Variants in TTF2 observed in about 807,000 individuals in gnomAD.
The protein encoded by TTF2 is transcription termination factor 2.
In TTF2, 108 loss-of-function variants were observed where a neutral mutation model predicts 142.4. The ratio of observed to expected loss-of-function variants is 0.76; its 90% confidence interval spans 0.65 to 0.89. TTF2 has a LOEUF of 0.89. TTF2 is among the 40% of genes least tolerant of loss of function. TTF2 has a pLI of 0.00. For synonymous variants in TTF2, 483 were observed against 506.2 expected, an observed-to-expected ratio of 0.95 and a Z score of 0.61; for missense variants, 1,327 against 1,379.8, an observed-to-expected ratio of 0.96 and a Z score of 0.61.
Position 117,068,001 on chromosome 1 carries a change from C to G in TTF2, c.218+5528C>G, listed in dbSNP as rs547982953. Among the ~76,000 whole-genome samples the G allele has an allele frequency of 6.6e-5, 10 of 152,336 alleles. No individual in the cohort carries two copies. In the South Asian group the frequency reaches 2.1e-3, roughly 32 times the overall value. The stretch of plus-strand genomic sequence containing the variant: ...GACCAGCATTTGACTAGCCATTCGG[C>G]CATGGCCCTCTGTGTACAGGCAGTA... On this transcript the variant is annotated intron_variant, in intron 3 of 22. Transcript: ENST00000369466.
rs1394486936 is a variant in TTF2, at chr1:117,062,375, T to A, written c.132-12T>A. The A allele has an allele frequency of 1.2e-6, 2 of 1,610,142 alleles. No homozygotes were observed. Among genetic ancestry groups the A allele is most frequent in the South Asian group, 1.1e-5 (1 of 89,802 alleles). ...GACCTAAAAATGTTTTCAACTTTTT[T>A]CTTTTCTCTAGCATTCCTGTTTCCC... On this transcript the variant is annotated splice_polypyrimidine_tract_variant and intron_variant, in intron 2 of 22. Coordinates refer to ENST00000369466, the MANE Select transcript of TTF2 (RefSeq NM_003594.4).
In TTF2 at chr1:117,092,898, C is replaced by G; in HGVS notation, c.2973C>G (p.Thr991=). 6.2e-7 allele frequency: 1 copy of G among 1,614,116 alleles called. No homozygotes were observed. The highest frequency in any genetic ancestry group is 1.3e-5 in the African/African-American group (1 of 75,026). The change falls in exon 18 of 23, where the codon ACC becomes ACG. Residue 991 remains threonine (T), a synonymous_variant. Transcript: ENST00000369466. This position sits in a 1 kb window ranked among gnomAD's most constrained non-coding sequence, Gnocchi z 4.4. ...TTTTTGAAGGCATGCGAGAGAGCACCAAGGTACTTTTTGTCTCCTCTGTAG... is the reference window on the plus strand; with the variant it reads ...TTTTTGAAGGCATGCGAGAGAGCACGAAGGTACTTTTTGTCTCCTCTGTAG... ...MELFEGMRES[T]KISSLLAELE...
Position 117,093,557 on chromosome 1 carries a change from G to A in TTF2, c.2976+656G>A, listed in dbSNP as rs925133587. Among the ~76,000 whole-genome samples, 6 of 152,058 alleles carry A rather than the reference G, an allele frequency of 3.9e-5. No individual in the cohort carries two copies. The highest frequency in any genetic ancestry group is 8.8e-5 in the Non-Finnish European group (6 of 68,006). On this transcript the variant is annotated intron_variant, in intron 18 of 22. Coordinates refer to ENST00000369466, the MANE Select transcript of TTF2 (RefSeq NM_003594.4). This position sits in a 1 kb window ranked among gnomAD's most constrained non-coding sequence, Gnocchi z 4.5. ...TCTTGGGCTCAACCTCTCTTCAAAG[G>A]CTTTTTTTGAAAAAGTGTATTAATA...
chr1:117,061,128 G>A (rs773209948), intron 2 of TTF2, among the ~76,000 whole-genome samples: 1 of 152,192 alleles, frequency 6.6e-6, no homozygotes, highest in Non-Finnish European at 1.5e-5. Context: ...GGTGTGTGAC[G>A]CCTGTAATCC....
At position 117,098,715 on chromosome 1, in the gene TTF2, G is replaced by A. The variant is rs1284731382; in HGVS notation, c.3270-118G>A. 3.4e-5 allele frequency: 28 copies of A among 829,964 alleles called. 1 individual carries two copies. The Admixed American group carries it at 5.0e-4, about 15-fold the overall frequency. The allele number at this position is 829,964 out of a possible 1,614,324, so 51.4% of individuals were successfully genotyped here. A position where few individuals can be genotyped will look rare whatever the true frequency, so the allele number is the denominator to read the frequency against. On this transcript the variant is annotated intron_variant, in intron 21 of 22. Transcript: ENST00000369466. The stretch of plus-strand genomic sequence containing the variant: ...TCTTTTCTTAAATCCCTTTAAAACT[G>A]TAACAATAATTTTTAGCTACAAAAA...
At chr1:117,082,499 C>T (rs913413787) in intron 10 of TTF2, among the ~76,000 whole-genome samples, 13 of 152,148 alleles carry the variant, frequency 8.5e-5, no homozygotes, top group Non-Finnish European at 2.9e-5. Flanking sequence ...AGGTGTGACC[C>T]ACCATGCCTG....
At chr1:117,064,461 A>G (rs1230469714) in intron 3 of TTF2, among the ~76,000 whole-genome samples, 14 of 152,152 alleles carry the variant, frequency 9.2e-5, no homozygotes, top group African/African-American at 1.7e-4. Flanking sequence ...GCCTACCCCA[A>G]TATCACAAAT....
chr1:117,090,844 A>G lies in TTF2; in HGVS notation c.2588+221A>G, dbSNP rs1196807110. ...AGGCAAAATTTTGAACCTACTCTTC[A>G]TTGGCTTCCTTGCATAGAAGTCATA... On this transcript the variant is annotated intron_variant, in intron 15 of 22. Transcript: ENST00000369466. This position sits in a 1 kb window ranked among gnomAD's most constrained non-coding sequence, Gnocchi z 4.8. 6.6e-6 allele frequency among the ~76,000 whole-genome samples: 1 copy of G among 151,716 alleles called. No homozygotes were observed. The highest frequency in any genetic ancestry group is 2.4e-5 in the African/African-American group (1 of 41,242).
Position 117,060,373 on chromosome 1 carries a change from C to G in TTF2, c.27C>G (p.His9Gln). 8 of 1,606,328 alleles carry G rather than the reference C, an allele frequency of 5.0e-6. No homozygotes were observed. The highest frequency in any genetic ancestry group is 6.8e-6 in the Non-Finnish European group (8 of 1,175,792). The change falls in exon 1 of 23, where the codon CAC (histidine) becomes CAG (glutamine). Residue 9 changes from histidine to glutamine, a missense_variant and splice_region_variant. Coordinates refer to ENST00000369466, the MANE Select transcript of TTF2 (RefSeq NM_003594.4). Reference protein sequence around the residue: MEEVRCPEHGTFCFLKTGV... With the variant: MEEVRCPEQGTFCFLKTGV... ...TGGAAGAAGTTAGGTGTCCAGAGCA[C>G]GGTAAGGGGCTAGGGTCTCAGCGTC... is the stretch of plus-strand genomic sequence containing the variant.
Position 117,106,825 on chromosome 1 carries a change from C to CCTA in TTF2, c.*5303_*5305dup, listed in dbSNP as rs1419110559. On this transcript the variant is annotated 3_prime_UTR_variant, in exon 23 of 23. Coordinates refer to ENST00000369466, the MANE Select transcript of TTF2 (RefSeq NM_003594.4). Reference sequence around the variant, plus strand: ...TGAACCACCTCTTCATTGAGCCAAACCTACCATACAGGGATACATTCTCTG... The same window carrying CCTA: ...TGAACCACCTCTTCATTGAGCCAAACCTACTACCATACAGGGATACATTCTCTG... 1 of 152,242 alleles carries CCTA rather than the reference C, an allele frequency of 6.6e-6. No individual in the cohort carries two copies. Among genetic ancestry groups the CCTA allele is most frequent in the East Asian group, 1.9e-4 (1 of 5,202 alleles). 9.4% of individuals were successfully genotyped at this position (152,242 alleles called of 1,614,324 possible).
At chr1:117,068,681 A>G (rs1656351110) in intron 3 of TTF2, among the ~76,000 whole-genome samples, 1 of 152,192 alleles carries the variant, frequency 6.6e-6, no homozygotes, top group Non-Finnish European at 1.5e-5. Flanking sequence ...CTATTGGGTG[A>G]AATTGACCTG....
rs1295900492 is a variant in TTF2 at position 117,091,868 on chromosome 1, C to T, written c.2723C>T (p.Ser908Leu). 1.2e-6 allele frequency: 2 copies of T among 1,613,716 alleles called. No homozygotes were observed. Among genetic ancestry groups the T allele is most frequent in the Non-Finnish European group, 8.5e-7 (1 of 1,179,956 alleles). ...EEPRHSEAAD[S>L]PRSSTVHILS... ...CCTAGACACTCGGAGGCAGCAGACT[C>T]ACCGAGATCCAGCACCGTCCACATA... Residue 908 changes from serine (S) to leucine (L), a missense_variant, in exon 17 of 23, where the codon TCA (serine) becomes TTA (leucine). Physicochemically the swap from Ser to Leu is moderately radical, Grantham distance 145 (BLOSUM62 -2). Coordinates refer to ENST00000369466, the MANE Select transcript of TTF2 (RefSeq NM_003594.4).
At position 117,081,846 on chromosome 1, in the gene TTF2, GA is replaced by G; in HGVS notation, c.1807del (p.Thr603ProfsTer2). 1.9e-6 allele frequency: 3 copies of G among 1,613,936 alleles called. No individual in the cohort carries two copies. Among genetic ancestry groups the G allele is most frequent in the Non-Finnish European group, 2.5e-6 (3 of 1,179,972 alleles). ...TTTCTAGCAGATGATATGGGCTTAG[GA>G]AAAACCCTGACAATGATTGCGCTCA... ...GGILADDMGL[G>X]KTLTMIALIL... On this transcript the variant is annotated frameshift_variant, in exon 10 of 23. Coordinates refer to ENST00000369466, the MANE Select transcript of TTF2 (RefSeq NM_003594.4). LOFTEE classifies it high-confidence loss of function.
rs144870395 is a variant in TTF2, at chr1:117,064,469, A to C, written c.218+1996A>C. Among the ~76,000 whole-genome samples, 340 of 152,132 alleles carry C rather than the reference A, an allele frequency of 2.2e-3. 1 individual carries two copies. Among genetic ancestry groups the C allele is most frequent in the African/African-American group, 7.8e-3 (325 of 41,504 alleles). On this transcript the variant is annotated intron_variant, in intron 3 of 22. Coordinates refer to ENST00000369466, the MANE Select transcript of TTF2 (RefSeq NM_003594.4). The stretch of plus-strand genomic sequence containing the variant: ...AATCTTTGCCTACCCCAATATCACA[A>C]ATATTTCCAAGAATTGTCTAGAAGC...
chr1:117,077,430 A>G (rs906997680), intron 7 of TTF2, among the ~76,000 whole-genome samples: 1 of 152,226 alleles, frequency 6.6e-6, no homozygotes, highest in Non-Finnish European at 1.5e-5. Context: ...TTTGTGGATG[A>G]AAACTCTAGC....
In TTF2 at chr1:117,090,669, C is replaced by T. The variant is rs1648490121; in HGVS notation, c.2588+46C>T. The T allele has an allele frequency of 6.6e-7, 1 of 1,523,158 alleles. No homozygotes were observed. The highest frequency in any genetic ancestry group is 9.0e-7 in the Non-Finnish European group (1 of 1,106,368). The allele number at this position is 1,523,158 out of a possible 1,614,324, so 94.4% of individuals were successfully genotyped here. Reference sequence around the variant, plus strand: ...CCTTCTCACACACATTGTTTTATTCCTGTCTTTTCTTGGGAGTGAGTTGAA... The same window carrying T: ...CCTTCTCACACACATTGTTTTATTCTTGTCTTTTCTTGGGAGTGAGTTGAA... On this transcript the variant is annotated intron_variant, in intron 15 of 22. Transcript: ENST00000369466. This position sits in a 1 kb window ranked among gnomAD's most constrained non-coding sequence, Gnocchi z 4.8.
chr1:117,070,730 T>A lies in TTF2; in HGVS notation c.219-2931T>A, dbSNP rs181760143. Among the ~76,000 whole-genome samples, 397 of 152,204 alleles carry A rather than the reference T, an allele frequency of 2.6e-3. 5 individuals carry two copies. Among genetic ancestry groups the A allele is most frequent in the Admixed American group, 0.018 (282 of 15,288 alleles). ...TAATATCCTATTGCAATGAGAAAAATTAAAGAAACCAGTAAGATTTTAAAA... is the reference window on the plus strand; with the variant it reads ...TAATATCCTATTGCAATGAGAAAAAATAAAGAAACCAGTAAGATTTTAAAA... On this transcript the variant is annotated intron_variant, in intron 3 of 22. Coordinates refer to ENST00000369466, the MANE Select transcript of TTF2 (RefSeq NM_003594.4). The surrounding 1 kb of genome is among the most constrained non-coding windows in gnomAD (Gnocchi z 4.2).
In TTF2 at chr1:117,090,474, C is replaced by A; in HGVS notation, c.2497-58C>A. On this transcript the variant is annotated intron_variant, in intron 14 of 22. Transcript: ENST00000369466. This position sits in a 1 kb window ranked among gnomAD's most constrained non-coding sequence, Gnocchi z 4.8. ...GCAGTGTCAGTATGGGGAATTTGTT[C>A]TATAATAGGCAGTTAATTTGTATAG... 6.7e-7 allele frequency: 1 copy of A among 1,502,618 alleles called. No individual in the cohort carries two copies. Among genetic ancestry groups the A allele is most frequent in the Non-Finnish European group, 9.2e-7 (1 of 1,090,286 alleles). 93.1% of individuals were successfully genotyped at this position (1,502,618 alleles called of 1,614,324 possible).
At position 117,076,340 on chromosome 1, in the gene TTF2, C is replaced by T. The variant is rs752738028; in HGVS notation, c.1390+46C>T. The T allele has an allele frequency of 6.8e-7, 1 of 1,469,212 alleles. No individual in the cohort carries two copies. Among genetic ancestry groups the T allele is most frequent in the South Asian group, 1.2e-5 (1 of 84,760 alleles). The allele number at this position is 1,469,212 out of a possible 1,614,324, so 91.0% of individuals were successfully genotyped here. ...GAACTCCGGGTTTGCATCGACTTTA[C>T]AAGAGACATTCGGGAAGCCCTTTTA... On this transcript the variant is annotated intron_variant, in intron 6 of 22. Coordinates refer to ENST00000369466, the MANE Select transcript of TTF2 (RefSeq NM_003594.4). The surrounding 1 kb of genome is among the most constrained non-coding windows in gnomAD (Gnocchi z 4.6).
Sources: allele counts gnomAD v4.1 joint callset (sites outside exome capture counted in the v4.1 genomes callset), GRCh38; gene constraint gnomAD v4.1.1; non-coding constraint Gnocchi (gnomAD v3.1); transcripts MANE v1.5; gene names NCBI Gene and HGNC (gene_info 2026-07-23, HGNC 2026-07-21).